Variants in IPO11 observed in about 807,000 individuals in gnomAD.
The protein encoded by IPO11 is importin-11.
In IPO11, 66 loss-of-function variants were observed where a neutral mutation model predicts 143.2. The ratio of observed to expected loss-of-function variants is 0.46; its 90% confidence interval spans 0.38 to 0.57. IPO11 has a LOEUF of 0.57. IPO11 is among the 20% of genes least tolerant of loss of function. The pLI is 0.00. For synonymous variants in IPO11, 385 were observed against 377.8 expected (o/e 1.02, Z -0.22); for missense variants, 1,026 against 1,141.0 (o/e 0.90, Z 1.45).
chr5:62,541,288 T>G (rs1034838394), intron 24 of IPO11, among the ~76,000 whole-genome samples: 6 of 151,970 alleles, frequency 3.9e-5, no homozygotes, highest in African/African-American at 1.5e-4. Flanking sequence ...GGGTGATCGC[T>G]TGAACCCGGG....
At chr5:62,543,550 A>G (rs1173867073) in intron 24 of IPO11, among the ~76,000 whole-genome samples, 1 of 152,098 alleles carries the variant, frequency 6.6e-6, no homozygotes, top group Non-Finnish European at 1.5e-5. Flanking sequence ...AACATTTTTT[A>G]TCACGTCTGT....
At chr5:62,462,874 T>C (rs1170014003) in intron 5 of IPO11, among the ~76,000 whole-genome samples, 2 of 150,522 alleles carry the variant, frequency 1.3e-5, no homozygotes, top group South Asian at 4.2e-4. Flanking sequence ...GGATAGTTAC[T>C]GTCACCATCC....
At chr5:62,455,605 CT>C (rs901260182) in intron 5 of IPO11, among the ~76,000 whole-genome samples, 5 of 152,258 alleles carry the variant, frequency 3.3e-5, no homozygotes, top group African/African-American at 1.2e-4. Flanking sequence ...AAATTGCTAC[CT>C]GCGGCTCAGT....
intron 27 of IPO11, chr5:62,580,147 C>T (rs748549308): frequency 4.5e-6 from 7 of 1,551,074 alleles, no homozygotes; most frequent in Non-Finnish European, 6.1e-6. Context: ...TTCTTTGTCT[C>T]ATAATCCTAT....
intron 29 of IPO11, 106 bp from the exon 30 acceptor site, chr5:62,627,048 G>A: frequency 1.1e-6 from 1 of 934,564 alleles, no homozygotes; most frequent in Non-Finnish European, 1.6e-6. Flanking sequence ...AGAGGCAGAA[G>A]CAATTTTGTT....
At chr5:62,425,941 A>G (rs1561304613) in intron 1 of IPO11, among the ~76,000 whole-genome samples, 2 of 152,236 alleles carry the variant, frequency 1.3e-5, no homozygotes, top group South Asian at 2.1e-4. Context: ...TTAAGTACCT[A>G]ATAGACATGA....
At chr5:62,546,300 G>GA (rs1353605530) in intron 24 of IPO11, among the ~76,000 whole-genome samples, 9 of 152,184 alleles carry the variant, frequency 5.9e-5, no homozygotes, top group African/African-American at 2.2e-4. Context: ...CCTTTGTAGG[G>GA]ACATGGATGA....
chr5:62,443,636 G>A (rs247235), intron 3 of IPO11, among the ~76,000 whole-genome samples: 102,913 of 149,398 alleles, frequency 0.69, 35,686 homozygotes, highest in African/African-American at 0.78. Context: ...GGATTTGGAA[G>A]AAAAAAAAAG....
intron 19 of IPO11, among the ~76,000 whole-genome samples, chr5:62,512,989 T>C (rs1484877311): frequency 8.0e-5 from 12 of 149,566 alleles, no homozygotes; most frequent in African/African-American, 1.2e-4. Flanking sequence ...TACTTCTTTC[T>C]ACACAGACAC....
intron 29 of IPO11, among the ~76,000 whole-genome samples, chr5:62,624,927 G>A (rs1746505667): frequency 6.8e-6 from 1 of 147,446 alleles, no homozygotes; most frequent in African/African-American, 2.5e-5. Flanking sequence ...GGAGCTTGCA[G>A]TGAGCCGAAA....
At chr5:62,472,253 A>G (rs949078307) in intron 7 of IPO11, among the ~76,000 whole-genome samples, 2 of 152,124 alleles carry the variant, frequency 1.3e-5, no homozygotes, top group Admixed American at 1.3e-4. Context: ...ATGCAATATT[A>G]CTCTCATTAT....
At chr5:62,459,967 A>G (rs1266107359) in intron 5 of IPO11, among the ~76,000 whole-genome samples, 1 of 152,260 alleles carries the variant, frequency 6.6e-6, no homozygotes, top group Admixed American at 6.5e-5. Flanking sequence ...AAAAGTAAAG[A>G]AAAATATTAA....
chr5:62,555,506 A>ATTTATTTATTTT (rs1257303124), intron 26 of IPO11, among the ~76,000 whole-genome samples: 4 of 148,518 alleles, frequency 2.7e-5, no homozygotes, highest in African/African-American at 9.9e-5. Flanking sequence ...TTATTTATTT[A>ATTTATTTATTTT]TTTATTTATT....
chr5:62,445,338 T>A (rs1454829608), intron 3 of IPO11, among the ~76,000 whole-genome samples: 1 of 152,080 alleles, frequency 6.6e-6, no homozygotes, highest in East Asian at 1.9e-4. Flanking sequence ...CTGCTTGACA[T>A]ATAGTTTGAA....
chr5:62,528,335 G>A (rs530432092), intron 21 of IPO11, among the ~76,000 whole-genome samples: 10 of 152,244 alleles, frequency 6.6e-5, no homozygotes, highest in Admixed American at 2.0e-4. Flanking sequence ...GGTTTTCACC[G>A]GAGTGGTAAG....
At chr5:62,531,375 T>G (rs887092169) in intron 22 of IPO11, among the ~76,000 whole-genome samples, 17 of 152,146 alleles carry the variant, frequency 1.1e-4, no homozygotes, top group African/African-American at 4.1e-4. Flanking sequence ...TCACTCTTGT[T>G]GCGTGGGCTG....
intron 22 of IPO11, among the ~76,000 whole-genome samples, chr5:62,536,288 G>A (rs1399784469): frequency 6.6e-6 from 1 of 152,044 alleles, no homozygotes; most frequent in Admixed American, 6.6e-5. Flanking sequence ...GAAATGAAAG[G>A]TTGGGTCAAA....
At chr5:62,487,096 G>A (rs1309202208) in intron 12 of IPO11, among the ~76,000 whole-genome samples, 9 of 152,096 alleles carry the variant, frequency 5.9e-5, no homozygotes, top group African/African-American at 1.9e-4. Flanking sequence ...TACATGAGAT[G>A]TTTTGATACC....
intron 1 of IPO11, among the ~76,000 whole-genome samples, chr5:62,419,448 T>C (rs147002514): frequency 6.6e-6 from 1 of 152,364 alleles, no homozygotes; most frequent in Non-Finnish European, 1.5e-5. Flanking sequence ...TGTGTAGTTC[T>C]ACGTTGTTTA....
Sources: allele counts gnomAD v4.1 joint callset (sites outside exome capture counted in the v4.1 genomes callset), GRCh38; gene constraint gnomAD v4.1.1; transcripts MANE v1.5; gene names NCBI Gene and HGNC (gene_info 2026-07-23, HGNC 2026-07-21).